Variants in MED1 observed in about 807,000 individuals in gnomAD.
The protein encoded by MED1 is mediator complex subunit 1, also known as mediator of RNA polymerase II transcription subunit 1.
In MED1, 17 loss-of-function variants were observed where a neutral mutation model predicts 121.3. The ratio of observed to expected loss-of-function variants is 0.14; its 90% CI spans 0.10 to 0.21. MED1 has a LOEUF of 0.21. Among genes scored for constraint, MED1 ranks in the 10% least tolerant of loss-of-function variants. The pLI is 1.00. For synonymous variants in MED1, 661 were observed against 694.4 expected, an observed-to-expected ratio of 0.95 and a Z score of 0.76; for missense variants, 1,558 against 1,919.4, an observed-to-expected ratio of 0.81 and a Z score of 3.52.
rs2048665367 is a variant in MED1, at chr17:39,440,510, G to A, written c.275C>T (p.Ser92Phe). 6.2e-7 allele frequency: 1 copy of A among 1,610,914 alleles called. No homozygotes were observed. The highest frequency in any genetic ancestry group is 8.5e-7 in the Non-Finnish European group (1 of 1,179,438). ...TTCAGTGCCACTGGCACTGAGATGA[G>A]AGCCCAGTCTAGCAGGAACAAATCA... ...ESIARQNGLGSHLSASGTECY... is the reference protein window; with the variant it reads ...ESIARQNGLGFHLSASGTECY... The change falls in exon 5 of 17, where the codon TCT (serine) becomes TTT (phenylalanine). Residue 92 changes from serine (S) to phenylalanine (F), a missense_variant. Coordinates refer to ENST00000300651, the MANE Select transcript of MED1 (RefSeq NM_004774.4). This position sits in a 1 kb window ranked among gnomAD's most constrained non-coding sequence, Gnocchi z 4.1.
At position 39,409,564 on chromosome 17, in the gene MED1, C is replaced by T; in HGVS notation, c.2657G>A (p.Ser886Asn). Residue 886 changes from serine to asparagine, a missense_variant, in exon 17 of 17, where the codon AGC (serine) becomes AAC (asparagine). Physicochemically the swap from Ser to Asn is conservative, Grantham distance 46. Transcript: ENST00000300651. ...ATCATCATTATCCCCACTTTGGCTG[C>T]TTTCATCAAAATATTCTTCTCCAAA... The part of the protein sequence containing the change: ...SGFGEEYFDE[S>N]SQSGDNDDFK... 1 of 1,614,118 alleles carries T rather than the reference C, an allele frequency of 6.2e-7. No individual in the cohort carries two copies. Among genetic ancestry groups the T allele is most frequent in the African/African-American group, 1.3e-5 (1 of 75,008 alleles).
At position 39,408,061 on chromosome 17, in the gene MED1, G is replaced by A. The variant is rs1202995763; in HGVS notation, c.4160C>T (p.Thr1387Ile). 1.2e-6 allele frequency: 2 copies of A among 1,614,162 alleles called. No homozygotes were observed. Among genetic ancestry groups the A allele is most frequent in the Middle Eastern group, 1.6e-4 (1 of 6,062 alleles). The change falls in exon 17 of 17, where the codon ACA (threonine) becomes ATA (isoleucine). Residue 1387 changes from threonine (T) to isoleucine (I), a missense_variant. By Grantham distance (89) the Thr-to-Ile change is moderately conservative. Transcript: ENST00000300651. This position sits in a 1 kb window ranked among gnomAD's most constrained non-coding sequence, Gnocchi z 4.7. ...KTSESKNVGS[T>I]GVAKIIISKH... ...ACTGATGATAATTTTTGCCACACCT[G>A]TGCTCCCCACATTTTTTGACTCTGA...
At chr17:39,447,120 G>A (rs1490041294) in intron 2 of MED1, among the ~76,000 whole-genome samples, 2 of 152,162 alleles carry the variant, frequency 1.3e-5, no homozygotes, top group African/African-American at 4.8e-5. Flanking sequence ...GCTGGACGCG[G>A]TGGCTCACGC....
At position 39,407,927 on chromosome 17, in the gene MED1, CAT is replaced by C; in HGVS notation, c.4292_4293del (p.Tyr1431TrpfsTer13). ...GTGGAACCACTGATGAGTGGAGAGC[CAT>C]AGTTTTTAGAAGAAGCCATTTGAGG... Reference protein sequence around the residue: ...LRPQMASSKNYGSPLISGSTP... With the variant: ...LRPQMASSKNXGSPLISGSTP... On this transcript the variant is annotated frameshift_variant, in exon 17 of 17. Coordinates refer to ENST00000300651, the MANE Select transcript of MED1 (RefSeq NM_004774.4). LOFTEE classifies it high-confidence loss of function. 6.2e-7 allele frequency: 1 copy of C among 1,614,100 alleles called. No homozygotes were observed.
At chr17:39,450,007 T>C (rs2048766835) in intron 1 of MED1, among the ~76,000 whole-genome samples, 1 of 151,386 alleles carries the variant, frequency 6.6e-6, no homozygotes, top group Non-Finnish European at 1.5e-5. Context: ...AGAGACGGGT[T>C]TTCTCCATGT....
At position 39,405,674 on chromosome 17, in the gene MED1, T is replaced by C. The variant is rs1400106921; in HGVS notation, c.*1801A>G. 3.0e-6 allele frequency: 3 copies of C among 1,016,300 alleles called. No homozygotes were observed. The East Asian group carries it at 2.7e-4, about 92-fold the overall frequency. The allele number at this position is 1,016,300 out of a possible 1,614,324, so 63.0% of individuals were successfully genotyped here. On this transcript the variant is annotated 3_prime_UTR_variant, in exon 17 of 17. Coordinates refer to ENST00000300651, the MANE Select transcript of MED1 (RefSeq NM_004774.4). The stretch of plus-strand genomic sequence containing the variant: ...ATTGATAACTTTTCTTGCTCCACTT[T>C]ACAATGTTTTGTTTCCTACATCTTA...
chr17:39,433,562 C>CT lies in MED1; in HGVS notation c.500+686dup, dbSNP rs1244865722. Reference sequence around the variant, plus strand: ...ATATATATATACACACATATTTTTTCTTTTTTTTTGAGACAGCATCTCGCT... The same window carrying CT: ...ATATATATATACACACATATTTTTTCTTTTTTTTTTGAGACAGCATCTCGCT... On this transcript the variant is annotated intron_variant, in intron 7 of 16. Transcript: ENST00000300651. Among the ~76,000 whole-genome samples the CT allele has an allele frequency of 6.3e-5, 9 of 142,864 alleles. No homozygotes were observed. In the East Asian group the frequency reaches 1.6e-3, roughly 26 times the overall value. The allele number at this position is 142,864 out of a possible 152,430, so 93.7% of individuals were successfully genotyped here.
chr17:39,442,324 A>G (rs940000196), intron 3 of MED1, among the ~76,000 whole-genome samples: 1 of 152,082 alleles, frequency 6.6e-6, no homozygotes, highest in Non-Finnish European at 1.5e-5. Flanking sequence ...CTGGACAGGC[A>G]TGGTAGCTCA....
At chr17:39,412,532 TC>T (rs1220727689) in intron 16 of MED1, among the ~76,000 whole-genome samples, 3 of 147,820 alleles carry the variant, frequency 2.0e-5, no homozygotes, top group Non-Finnish European at 3.0e-5. Context: ...AGCAAATTTT[TC>T]TTTTTTTTTT....
At chr17:39,433,369 T>TAA (rs1187501547) in intron 7 of MED1, among the ~76,000 whole-genome samples, 1 of 144,110 alleles carries the variant, frequency 6.9e-6, no homozygotes, top group Non-Finnish European at 1.5e-5. Flanking sequence ...AATCCGTATT[T>TAA]AAAAAAAAAG....
intron 9 of MED1, among the ~76,000 whole-genome samples, chr17:39,428,918 C>T (rs2048539556): frequency 6.6e-6 from 1 of 151,690 alleles, no homozygotes; most frequent in South Asian, 2.1e-4. Flanking sequence ...TGCCACTGCA[C>T]TCCAGCCTGG....
At chr17:39,438,926 G>GCGA (rs1195496400) in intron 6 of MED1, among the ~76,000 whole-genome samples, 1 of 152,148 alleles carries the variant, frequency 6.6e-6, no homozygotes. Flanking sequence ...TCCAGCCTGG[G>GCGA]CAATAGAGCA....
Position 39,440,866 on chromosome 17 carries a change from AG to A in MED1, c.212-190del, listed in dbSNP as rs2144766145. On this transcript the variant is annotated intron_variant, in intron 3 of 16. Transcript: ENST00000300651. The surrounding 1 kb of genome is among the most constrained non-coding windows in gnomAD (Gnocchi z 4.1). The stretch of plus-strand genomic sequence containing the variant: ...TGCAGTACTAAAGGTCAAAAAAAAA[AG>A]ATCTATTTGAAAAATTACCGAACCT... 6.6e-6 allele frequency among the ~76,000 whole-genome samples: 1 copy of A among 152,280 alleles called. No homozygotes were observed. The highest frequency in any genetic ancestry group is 2.1e-4 in the South Asian group (1 of 4,826).
rs2048293697 is a variant in MED1 at position 39,405,214 on chromosome 17, T to A, written c.*2261A>T. 2 of 1,570,630 alleles carry A rather than the reference T, an allele frequency of 1.3e-6. No homozygotes were observed. On this transcript the variant is annotated 3_prime_UTR_variant, in exon 17 of 17. Coordinates refer to ENST00000300651, the MANE Select transcript of MED1 (RefSeq NM_004774.4). ...AAGCAGTTTAGCCCCGGCTCCCTGT[T>A]AAGCAAGTTCAGATGCTGGGTCAGT...
chr17:39,423,459 A>T lies in MED1; in HGVS notation c.977-14T>A. 1 of 1,574,752 alleles carries T rather than the reference A, an allele frequency of 6.4e-7. No homozygotes were observed. The highest frequency in any genetic ancestry group is 8.7e-7 in the Non-Finnish European group (1 of 1,144,602). ...ACAATGGAATTCCTGGAAAAACAAGAATCAATATAATGATCATGTTAAGAT... is the reference window on the plus strand; with the variant it reads ...ACAATGGAATTCCTGGAAAAACAAGTATCAATATAATGATCATGTTAAGAT... On this transcript the variant is annotated splice_polypyrimidine_tract_variant and intron_variant, in intron 12 of 16. Coordinates refer to ENST00000300651, the MANE Select transcript of MED1 (RefSeq NM_004774.4).
At chr17:39,443,456 T>A (rs529987091) in intron 3 of MED1, 94 bp downstream of exon 3, 1 of 1,016,166 alleles carries the variant, frequency 9.8e-7, no homozygotes, top group East Asian at 2.4e-5. Flanking sequence ...AAAGTTGACC[T>A]ACCTCAATTT....
At chr17:39,435,027 G>A (rs1179289966) in intron 6 of MED1, among the ~76,000 whole-genome samples, 1 of 152,092 alleles carries the variant, frequency 6.6e-6, no homozygotes, top group African/African-American at 2.4e-5. Context: ...AATTAGCCGA[G>A]TGTGGTGGCG....
intron 16 of MED1, 107 bp from the exon 17 acceptor site, chr17:39,410,828 G>A (rs1297266729): frequency 8.3e-6 from 12 of 1,449,806 alleles, no homozygotes; most frequent in African/African-American, 1.4e-5. Flanking sequence ...TTCAGGTAGG[G>A]CAAATAATCT....
chr17:39,443,477 G>T, intron 3 of MED1, 73 bp downstream of exon 3: 3 of 1,323,632 alleles, frequency 2.3e-6, no homozygotes, highest in Admixed American at 1.8e-5. Flanking sequence ...TTTACTTCTA[G>T]TTTAAGTATA....
Sources: gnomAD v4.1 joint callset for allele counts (sites outside exome capture counted in the v4.1 genomes callset) on GRCh38, gnomAD v4.1.1 for gene constraint, Gnocchi (gnomAD v3.1) non-coding constraint, MANE v1.5 for transcripts, NCBI Gene and HGNC (gene_info 2026-07-23, HGNC 2026-07-21) for gene names.